Variants in ALK observed in about 807,000 individuals in gnomAD.
ALK encodes ALK receptor tyrosine kinase.
ALK carries 74 observed loss-of-function variants against 163.1 expected under a neutral mutation model. The observed-to-expected ratio is 0.45, with a 90% CI of 0.38 to 0.55. The LOEUF (loss-of-function observed/expected upper bound fraction) is 0.55, where lower values mean the gene tolerates loss of function less well. Among genes scored for constraint, ALK ranks in the 20% least tolerant of loss-of-function variants. ALK has a pLI of 0.00. For missense variants in ALK, 2,063 were observed against 2,105.3 expected (o/e 0.98, Z 0.39); for synonymous variants, 960 against 843.2 (o/e 1.14, Z -2.40).
At chr2:29,771,133 A>G (rs1681011544) in intron 1 of ALK, among the ~76,000 whole-genome samples, 1 of 152,158 alleles carries the variant, frequency 6.6e-6, no homozygotes, top group African/African-American at 2.4e-5. Flanking sequence ...ACATAGGCAA[A>G]TACACACACA....
chr2:29,509,272 T>G (rs1013877153), intron 4 of ALK, among the ~76,000 whole-genome samples: 11 of 152,206 alleles, frequency 7.2e-5, no homozygotes, highest in East Asian at 5.8e-4. Flanking sequence ...CACAGAAGCA[T>G]CCTCAACACA....
At chr2:29,802,847 GA>G (rs1372794101) in intron 1 of ALK, among the ~76,000 whole-genome samples, 1 of 149,720 alleles carries the variant, frequency 6.7e-6, no homozygotes, top group African/African-American at 2.5e-5. Flanking sequence ...GGAAAGGGTT[GA>G]AAAACCAAAC....
In ALK at chr2:29,920,760, G is replaced by A. The variant is rs1667979447; in HGVS notation, c.-101C>T. ...TCTGAACAGTCCTTGGTACCCAGCG[G>A]CTCCTTCCACCTGATCTCCAGAGGA... On this transcript the variant is annotated 5_prime_UTR_variant, in exon 1 of 29. Transcript: ENST00000389048. The A allele has an allele frequency of 3.6e-6, 4 of 1,104,724 alleles. No homozygotes were observed. Among genetic ancestry groups the A allele is most frequent in the Admixed American group, 4.5e-5 (2 of 44,624 alleles). 68.4% of individuals were successfully genotyped at this position (1,104,724 alleles called of 1,614,324 possible). A position where few individuals can be genotyped will look rare whatever the true frequency, so the allele number is the denominator to read the frequency against.
chr2:29,542,468 G>A (rs1331713852), intron 3 of ALK, among the ~76,000 whole-genome samples: 3 of 152,020 alleles, frequency 2.0e-5, no homozygotes, highest in Non-Finnish European at 2.9e-5. Flanking sequence ...CTTCTTCAGG[G>A]GGAAATTTCT....
chr2:29,763,038 G>A (rs1280474141), intron 1 of ALK, among the ~76,000 whole-genome samples: 5 of 144,732 alleles, frequency 3.5e-5, no homozygotes, highest in African/African-American at 1.3e-4. Context: ...AGTGAGCCGA[G>A]ATCGCGCCAC....
chr2:29,605,213 G>A (rs950754333), intron 3 of ALK, among the ~76,000 whole-genome samples: 2 of 152,178 alleles, frequency 1.3e-5, no homozygotes, highest in African/African-American at 4.8e-5. Flanking sequence ...TGAATGTGCG[G>A]TGCACGATAG....
intron 1 of ALK, among the ~76,000 whole-genome samples, chr2:29,812,591 T>C (rs1664785157): frequency 6.6e-6 from 1 of 152,216 alleles, no homozygotes; most frequent in African/African-American, 2.4e-5. Flanking sequence ...GGGTTTCAGA[T>C]TAAACTCCAT....
intron 1 of ALK, among the ~76,000 whole-genome samples, chr2:29,722,033 T>G (rs1679436809): frequency 1.3e-5 from 2 of 152,226 alleles, no homozygotes; most frequent in African/African-American, 4.8e-5. Context: ...ACTGGACCAC[T>G]CAGCAGCATT....
At chr2:29,850,316 G>A (rs573299989) in intron 1 of ALK, among the ~76,000 whole-genome samples, 4 of 152,194 alleles carry the variant, frequency 2.6e-5, no homozygotes, top group Non-Finnish European at 5.9e-5. Context: ...TGGCAGAGGC[G>A]GGGGCACTTC....
chr2:29,919,893 G>C, intron 1 of ALK, 100 bp downstream of exon 1: 1 of 1,425,178 alleles, frequency 7.0e-7, no homozygotes, highest in Non-Finnish European at 9.6e-7. Context: ...GCAGAGCTGA[G>C]GTTTTAGAAA....
At chr2:29,495,267 G>A (rs1409666670) in intron 4 of ALK, among the ~76,000 whole-genome samples, 3 of 152,114 alleles carry the variant, frequency 2.0e-5, no homozygotes, top group Non-Finnish European at 2.9e-5. Flanking sequence ...CTGGCTCTCT[G>A]GCTTCTGGTT....
At chr2:29,833,220 C>G (rs777406592) in intron 1 of ALK, among the ~76,000 whole-genome samples, 2 of 152,182 alleles carry the variant, frequency 1.3e-5, no homozygotes, top group Non-Finnish European at 2.9e-5. Flanking sequence ...ATTGAAAGAA[C>G]GATGAAAAGG....
intron 2 of ALK, among the ~76,000 whole-genome samples, chr2:29,710,510 G>GTC (rs1433841330): frequency 1.3e-5 from 2 of 150,078 alleles, no homozygotes; most frequent in African/African-American, 5.0e-5. Flanking sequence ...GTGTGTGTGT[G>GTC]TGTGTGTGTG....
intron 3 of ALK, among the ~76,000 whole-genome samples, chr2:29,533,570 A>G (rs1361266443): frequency 6.6e-6 from 1 of 152,206 alleles, no homozygotes; most frequent in African/African-American, 2.4e-5. Flanking sequence ...CAGGATGTAT[A>G]GCTTTGGAAG....
intron 4 of ALK, among the ~76,000 whole-genome samples, chr2:29,438,093 A>C (rs963311953): frequency 1.3e-5 from 2 of 152,020 alleles, no homozygotes; most frequent in African/African-American, 2.4e-5. Context: ...GGCGGAGCTA[A>C]GAAGTTCCAC....
intron 4 of ALK, among the ~76,000 whole-genome samples, chr2:29,493,815 C>T (rs56405328): frequency 0.34 from 52,188 of 152,126 alleles, 10,284 homozygotes; most frequent in Non-Finnish European, 0.46. Context: ...AGGTACCATG[C>T]GAAGCCCTTA....
chr2:29,528,234 C>T (rs1311926840), intron 4 of ALK, among the ~76,000 whole-genome samples: 1 of 152,182 alleles, frequency 6.6e-6, no homozygotes, highest in African/African-American at 2.4e-5. Flanking sequence ...TCATGTGCTT[C>T]GAAAGGAAAC....
chr2:29,816,350 T>G (rs1664897449), intron 1 of ALK, among the ~76,000 whole-genome samples: 1 of 152,130 alleles, frequency 6.6e-6, no homozygotes, highest in Admixed American at 6.5e-5. Flanking sequence ...AATCTCTGCC[T>G]CACGGGTTGT....
intron 3 of ALK, among the ~76,000 whole-genome samples, chr2:29,633,720 G>C (rs967295662): frequency 6.6e-6 from 1 of 152,050 alleles, no homozygotes; most frequent in African/African-American, 2.4e-5. Context: ...ACCAATATGA[G>C]GAAGGAAACA....
Sources: allele counts gnomAD v4.1 joint callset (sites outside exome capture counted in the v4.1 genomes callset), GRCh38; gene constraint gnomAD v4.1.1; transcripts MANE v1.5; gene names NCBI Gene and HGNC (gene_info 2026-07-23, HGNC 2026-07-21).